Variants in PXMP2 observed in about 807,000 individuals in gnomAD.
PXMP2 encodes the protein 22 kDa peroxisomal membrane protein.
PXMP2 carries 13 observed loss-of-function variants against 20.2 expected under a neutral mutation model. The observed-to-expected ratio is 0.64, with a 90% CI of 0.42 to 1.02. The LOEUF is 1.02. Ranked by LOEUF, PXMP2 falls within the 50% of genes least tolerant of loss-of-function variation. The pLI is 0.00. For missense variants in PXMP2, 284 were observed against 251.8 expected, an observed-to-expected ratio of 1.13 and a Z score of -0.87; for synonymous variants, 113 against 111.2, an observed-to-expected ratio of 1.02 and a Z score of -0.10.
Position 132,695,884 on chromosome 12 carries a change from G to A in PXMP2, c.237G>A (p.Gly79=), listed in dbSNP as rs74727297. ...VGGPLRYAVY[G]FFFTGPLSHF... ...GGCTCACACCCCCTGGGGGCCTCAG[G>A]TTCTTCTTCACAGGGCCGCTGAGTC... Residue 79 remains glycine, a splice_region_variant and synonymous_variant, in exon 3 of 5, where the codon GGG becomes GGA. Transcript: ENST00000317479. The A allele has an allele frequency of 1.2e-6, 2 of 1,603,626 alleles. No individual in the cohort carries two copies. The highest frequency in any genetic ancestry group is 2.2e-5 in the East Asian group (1 of 44,630).
intron 2 of PXMP2, among the ~76,000 whole-genome samples, chr12:132,693,000 G>A (rs1429175904): frequency 1.2e-5 from 1 of 81,214 alleles, no homozygotes; most frequent in East Asian, 2.9e-4. Context: ...TTGCCAGTTA[G>A]TGAGCGCCCT....
chr12:132,703,690 A>G lies in PXMP2; in HGVS notation c.520-929A>G, dbSNP rs117635309. Reference sequence around the variant, plus strand: ...AGTTTGGCCATGTGGAGGATGGGAGAGCATGCTGACTGCAGAGACAAAGAC... The same window carrying G: ...AGTTTGGCCATGTGGAGGATGGGAGGGCATGCTGACTGCAGAGACAAAGAC... On this transcript the variant is annotated intron_variant, in intron 4 of 4. Transcript: ENST00000317479. 1.1e-4 allele frequency among the ~76,000 whole-genome samples: 16 copies of G among 152,102 alleles called. No homozygotes were observed. In the East Asian group the frequency reaches 2.3e-3, roughly 22 times the overall value.
chr12:132,693,947 T>TA (rs202043024), intron 2 of PXMP2, among the ~76,000 whole-genome samples: 8 of 87,628 alleles, frequency 9.1e-5, no homozygotes, highest in African/African-American at 2.2e-4. Flanking sequence ...TGAGCGCCCT[T>TA]GCCAGTTAGT....
chr12:132,689,761 C>A (rs2136058354), intron 1 of PXMP2, among the ~76,000 whole-genome samples: 1 of 152,312 alleles, frequency 6.6e-6, no homozygotes, highest in East Asian at 1.9e-4. Flanking sequence ...CCTTGCACAC[C>A]TTCCCAGTGT....
intron 2 of PXMP2, among the ~76,000 whole-genome samples, chr12:132,694,412 C>CAGTTAGTGAGCGCCCTTGCCAGTT (rs2043395634): frequency 1.4e-5 from 1 of 71,662 alleles, no homozygotes; most frequent in African/African-American, 4.9e-5. Flanking sequence ...GCGCCCTTGC[C>CAGTTAGTGAGCGCCCTTGCCAGTT]AGTTAGTGAG....
intron 2 of PXMP2, among the ~76,000 whole-genome samples, chr12:132,691,630 C>T (rs1453027687): frequency 1.3e-5 from 2 of 152,096 alleles, no homozygotes; most frequent in Non-Finnish European, 2.9e-5. Context: ...AGCAGTAATC[C>T]CCCCAAGAGG....
intron 2 of PXMP2, among the ~76,000 whole-genome samples, chr12:132,694,801 C>G (rs1372154543): frequency 1.4e-5 from 2 of 138,866 alleles, no homozygotes; most frequent in East Asian, 4.6e-4. Flanking sequence ...AGCGCCCTTG[C>G]CAGTTAGTTA....
At chr12:132,700,380 C>A (rs150568923) in intron 3 of PXMP2, among the ~76,000 whole-genome samples, 1 of 152,066 alleles carries the variant, frequency 6.6e-6, no homozygotes, top group Non-Finnish European at 1.5e-5. Flanking sequence ...TTCTGACTCG[C>A]GTGAGGTGGT....
chr12:132,697,998 C>A (rs1004771356), intron 3 of PXMP2, among the ~76,000 whole-genome samples: 2 of 151,074 alleles, frequency 1.3e-5, no homozygotes, highest in Admixed American at 1.3e-4. Context: ...TGCTGTGTGT[C>A]TGAGACGTGT....
intron 1 of PXMP2, chr12:132,688,102 A>AGGCGCGGGTGAAGACAGGGCG (rs2043322424): frequency 5.3e-6 from 1 of 187,142 alleles, no homozygotes; most frequent in Non-Finnish European, 1.1e-5. Context: ...AAGCCACGGC[A>AGGCGCGGGTGAAGACAGGGCG]AGGGGAGCGG....
chr12:132,704,387 G>T (rs112122282), intron 4 of PXMP2, among the ~76,000 whole-genome samples: 2,338 of 152,280 alleles, frequency 0.015, 32 homozygotes, highest in Middle Eastern at 0.031. Flanking sequence ...TTCCTGGGCC[G>T]CTGTAGCCTG....
At chr12:132,693,621 C>CAGTT (rs1337449849) in intron 2 of PXMP2, among the ~76,000 whole-genome samples, 11 of 62,280 alleles carry the variant, frequency 1.8e-4, no homozygotes, top group African/African-American at 2.4e-4. Context: ...GCGCCCTTGC[C>CAGTT]AGTCAGTGAG....
At chr12:132,697,319 C>A (rs1259161560) in intron 3 of PXMP2, among the ~76,000 whole-genome samples, 1 of 140,658 alleles carries the variant, frequency 7.1e-6, no homozygotes, top group Non-Finnish European at 1.6e-5. Flanking sequence ...TAAATAAACA[C>A]ATTAGTCTGT....
intron 1 of PXMP2, chr12:132,688,019 G>A (rs1265157364): frequency 3.1e-5 from 9 of 292,600 alleles, no homozygotes; most frequent in Non-Finnish European, 4.9e-5. Flanking sequence ...AGCGCGTGGA[G>A]GGCCCGCCCA....
At chr12:132,692,688 GCCCTTGCCAGTTAGTTAGTGAGCA>G (rs1565990628) in intron 2 of PXMP2, among the ~76,000 whole-genome samples, 36 of 105,576 alleles carry the variant, frequency 3.4e-4, no homozygotes, top group African/African-American at 9.0e-4. Flanking sequence ...GTTAGTGAGC[GCCCTTGCCAGTTAGTTAGTGAGCA>G]CCCTTGCCAG....
rs1461916387 is a variant in PXMP2 at position 132,696,206 on chromosome 12, A to G, written c.399+160A>G. On this transcript the variant is annotated intron_variant, in intron 3 of 4. Coordinates refer to ENST00000317479, the MANE Select transcript of PXMP2 (RefSeq NM_018663.3). The surrounding 1 kb of genome is among the most constrained non-coding windows in gnomAD (Gnocchi z 4.4). Reference sequence around the variant, plus strand: ...TAGGAAGCAAACATCTAGTATTGGCAGGACCTGTTTGTACCCAGTAGAGTC... The same window carrying G: ...TAGGAAGCAAACATCTAGTATTGGCGGGACCTGTTTGTACCCAGTAGAGTC... Among the ~76,000 whole-genome samples, 1 of 152,134 alleles carries G rather than the reference A, an allele frequency of 6.6e-6. No individual in the cohort carries two copies. Among genetic ancestry groups the G allele is most frequent in the Non-Finnish European group, 1.5e-5 (1 of 68,030 alleles).
chr12:132,690,456 G>A (rs2043359890), intron 2 of PXMP2, 80 bp downstream of exon 2: 1 of 1,023,940 alleles, frequency 9.8e-7, no homozygotes, highest in Non-Finnish European at 1.5e-6. Context: ...AGTAGTTGGA[G>A]TACTCTTATT....
chr12:132,703,360 G>A (rs1565994097), intron 4 of PXMP2, among the ~76,000 whole-genome samples: 1 of 152,224 alleles, frequency 6.6e-6, no homozygotes, highest in Non-Finnish European at 1.5e-5. Flanking sequence ...ACTCAGAGAT[G>A]CGGCCATGGT....
intron 2 of PXMP2, among the ~76,000 whole-genome samples, chr12:132,695,605 G>A (rs1825273240): frequency 6.6e-6 from 1 of 152,220 alleles, no homozygotes; most frequent in African/African-American, 2.4e-5. Context: ...CACACGTGCT[G>A]GGACGACCTG....
Sources: allele counts gnomAD v4.1 joint callset (sites outside exome capture counted in the v4.1 genomes callset), GRCh38; gene constraint gnomAD v4.1.1; non-coding constraint Gnocchi (gnomAD v3.1); transcripts MANE v1.5; gene names NCBI Gene and HGNC (gene_info 2026-07-23, HGNC 2026-07-21).